Variants in GPRC6A observed in about 807,000 individuals in gnomAD.
The protein encoded by GPRC6A is G protein-coupled receptor family C group 6 member A.
Under a neutral mutation model 47.0 loss-of-function variants are expected in GPRC6A, and 54 were observed. The ratio of observed to expected loss-of-function variants is 1.15; its 90% confidence interval spans 0.92 to 1.44. The LOEUF is 1.44. GPRC6A is among the 40% of genes most tolerant of loss of function. The pLI is 0.00. For synonymous variants in GPRC6A, 347 were observed against 377.1 expected, an observed-to-expected ratio of 0.92 and a Z score of 0.93; for missense variants, 1,112 against 1,105.5, an observed-to-expected ratio of 1.01 and a Z score of -0.08.
intron 5 of GPRC6A, 22 bp downstream of exon 5, chr6:116,795,690 T>C: frequency 1.9e-6 from 3 of 1,588,648 alleles, no homozygotes; most frequent in Middle Eastern, 1.7e-4. Context: ...GATTCAGGTG[T>C]ATGTGGAGTG....
At chr6:116,813,579 C>T (rs1196106237) in intron 1 of GPRC6A, among the ~76,000 whole-genome samples, 1 of 152,116 alleles carries the variant, frequency 6.6e-6, no homozygotes, top group Non-Finnish European at 1.5e-5. Context: ...AACCGGATCC[C>T]TTCCTTACAC....
intron 1 of GPRC6A, among the ~76,000 whole-genome samples, chr6:116,815,878 G>A (rs138642611): frequency 6.6e-6 from 1 of 152,192 alleles, no homozygotes; most frequent in South Asian, 2.1e-4. Flanking sequence ...AAATAGCTGA[G>A]ATTGGGTAAT....
chr6:116,819,256 A>G (rs1244967293), intron 1 of GPRC6A, among the ~76,000 whole-genome samples: 2 of 150,800 alleles, frequency 1.3e-5, no homozygotes, highest in Admixed American at 6.6e-5. Context: ...CACATTAATA[A>G]TGGGAGACTT....
intron 3 of GPRC6A, among the ~76,000 whole-genome samples, chr6:116,801,090 G>A (rs749341106): frequency 2.6e-5 from 4 of 152,040 alleles, no homozygotes; most frequent in Non-Finnish European, 5.9e-5. Context: ...TTTAGAATGG[G>A]TCCCCTGGTA....
At chr6:116,825,780 G>A (rs1773658612) in intron 1 of GPRC6A, among the ~76,000 whole-genome samples, 1 of 151,716 alleles carries the variant, frequency 6.6e-6, no homozygotes, top group Non-Finnish European at 1.5e-5. Flanking sequence ...CAAACTGGAG[G>A]CATCAAACTA....
In GPRC6A at chr6:116,809,499, C is replaced by T; in HGVS notation, c.313G>A (p.Glu105Lys). Residue 105 changes from glutamate to lysine, a missense_variant, in exon 2 of 6, where the codon GAA becomes AAA. By Grantham distance (56) the Glu-to-Lys change is moderately conservative. Transcript: ENST00000310357. ...LGYEIYDTCTEVTVAMAATLR... is the reference protein window; with the variant it reads ...LGYEIYDTCTKVTVAMAATLR... ...GTGGCTGCCATTGCCACTGTGACTT[C>T]TGTACAAGTGTCATAGATTTCATAC... The T allele has an allele frequency of 1.2e-6, 2 of 1,613,550 alleles. No homozygotes were observed. Among genetic ancestry groups the T allele is most frequent in the Non-Finnish European group, 1.7e-6 (2 of 1,179,702 alleles).
chr6:116,793,160 T>G lies in GPRC6A; in HGVS notation c.1763A>C (p.Asn588Thr), dbSNP rs1371148880. Residue 588 changes from asparagine (N) to threonine (T), a missense_variant, in exon 6 of 6, where the codon AAC (asparagine) becomes ACC (threonine). Physicochemically the swap from Asn to Thr is moderately conservative, Grantham distance 65. Transcript: ENST00000310357. ...MCFEKEVEYL[N>T]WNDSLAILLL... is the part of the protein sequence containing the mutation. ...TAGGATGGCCAAGGAGTCATTCCAG[T>G]TGAGATATTCCACTTCCTTTTCAAA... 1 of 1,613,392 alleles carries G rather than the reference T, an allele frequency of 6.2e-7. No homozygotes were observed. Among genetic ancestry groups the G allele is most frequent in the Non-Finnish European group, 8.5e-7 (1 of 1,179,544 alleles).
At chr6:116,819,158 C>T (rs1202203151) in intron 1 of GPRC6A, among the ~76,000 whole-genome samples, 26 of 152,084 alleles carry the variant, frequency 1.7e-4, no homozygotes, top group Non-Finnish European at 2.9e-4. Context: ...GAAGAGCTAA[C>T]TATCCTAAAT....
intron 1 of GPRC6A, among the ~76,000 whole-genome samples, chr6:116,813,240 A>C (rs990681295): frequency 6.6e-6 from 1 of 152,244 alleles, no homozygotes; most frequent in Non-Finnish European, 1.5e-5. Context: ...CTTTCTTCAC[A>C]GAATTGGAAA....
chr6:116,794,031 G>A (rs1772400537), intron 5 of GPRC6A, among the ~76,000 whole-genome samples: 1 of 152,106 alleles, frequency 6.6e-6, no homozygotes, highest in African/African-American at 2.4e-5. Context: ...GCTTATTCTG[G>A]CTGCAGGGCA....
intron 2 of GPRC6A, among the ~76,000 whole-genome samples, chr6:116,808,337 G>A (rs1772918325): frequency 6.6e-6 from 1 of 151,998 alleles, no homozygotes; most frequent in Non-Finnish European, 1.5e-5. Flanking sequence ...TTGCATTTTT[G>A]CATTAGCCAG....
At position 116,806,597 on chromosome 6, in the gene GPRC6A, T is replaced by C. The variant is rs1213913847; in HGVS notation, c.1108A>G (p.Thr370Ala). The C allele has an allele frequency of 6.2e-7, 1 of 1,613,628 alleles. No individual in the cohort carries two copies. The change falls in exon 3 of 6, where the codon ACT becomes GCT. Residue 370 changes from threonine to alanine, a missense_variant. Physicochemically the swap from Thr to Ala is moderately conservative, Grantham distance 58 (BLOSUM62 0). Transcript: ENST00000310357. ...TTGAATATGCATTGACTCAAATCAG[T>C]GTCCTTGACATATGCGCAGGCAGAT... ...HLSACAYVKD[T>A]DLSQCIFNHS...
chr6:116,809,660 T>C (rs763273085), intron 1 of GPRC6A, 43 bp from the exon 2 acceptor site: 130 of 1,385,032 alleles, frequency 9.4e-5, no homozygotes, highest in Non-Finnish European at 1.2e-4. Flanking sequence ...ACATAACTCT[T>C]CTATGGACAT....
Position 116,792,237 on chromosome 6 carries a change from T to G in GPRC6A, c.2686A>C (p.Lys896Gln). Residue 896 changes from lysine (K) to glutamine (Q), a missense_variant, in exon 6 of 6, where the codon AAA becomes CAA. Lys to Gln is a moderately conservative substitution (Grantham distance 53, BLOSUM62 1). Coordinates refer to ENST00000310357, the MANE Select transcript of GPRC6A (RefSeq NM_148963.4). ...SGKSATWQKSKDLQAQAFAHI... is the reference protein window; with the variant it reads ...SGKSATWQKSQDLQAQAFAHI... ...GCAAATGCTTGTGCCTGAAGATCTT[T>G]GCTTTTCTGCCAGGTTGCAGACTTG... 6.2e-7 allele frequency: 1 copy of G among 1,614,080 alleles called. No homozygotes were observed. Among genetic ancestry groups the G allele is most frequent in the Non-Finnish European group, 8.5e-7 (1 of 1,179,968 alleles).
chr6:116,800,861 AT>A (rs1238551296), intron 3 of GPRC6A, 65 bp from the exon 4 acceptor site: 82 of 902,132 alleles, frequency 9.1e-5, no homozygotes, highest in Admixed American at 4.4e-4. Flanking sequence ...CATTATTCTA[AT>A]GATAACACTG....
chr6:116,808,631 A>G (rs529614486), intron 2 of GPRC6A, among the ~76,000 whole-genome samples: 1 of 152,162 alleles, frequency 6.6e-6, no homozygotes, highest in South Asian at 2.1e-4. Context: ...CTGTCTGCTC[A>G]CTTCTATCAG....
At chr6:116,802,133 C>G (rs1772694684) in intron 3 of GPRC6A, among the ~76,000 whole-genome samples, 1 of 152,104 alleles carries the variant, frequency 6.6e-6, no homozygotes, top group Admixed American at 6.6e-5. Flanking sequence ...CTAAAGTTCT[C>G]ACATGTATTT....
At chr6:116,826,597 A>G (rs537742453) in intron 1 of GPRC6A, among the ~76,000 whole-genome samples, 12 of 152,040 alleles carry the variant, frequency 7.9e-5, no homozygotes, top group Non-Finnish European at 1.2e-4. Context: ...CATCTACACT[A>G]TTGGAGAAAA....
rs1347641634 is a variant in GPRC6A at position 116,818,552 on chromosome 6, A to T, written c.195-8935T>A. The stretch of plus-strand genomic sequence containing the variant: ...CCGTCTAAAAAAAAAAAAAAAAAAA[A>T]AAAAAAAAAAAAAAAAAAGAATTTT... On this transcript the variant is annotated intron_variant, in intron 1 of 5. Transcript: ENST00000310357. 1.6e-4 allele frequency among the ~76,000 whole-genome samples: 21 copies of T among 130,860 alleles called. 1 individual carries two copies. The highest frequency in any genetic ancestry group is 5.3e-4 in the African/African-American group (20 of 37,460). The allele number at this position is 130,860 out of a possible 152,430, so 85.8% of individuals were successfully genotyped here. A position where few individuals can be genotyped will look rare whatever the true frequency, so the allele number is the denominator to read the frequency against.
Sources: allele counts gnomAD v4.1 joint callset (sites outside exome capture counted in the v4.1 genomes callset), GRCh38; gene constraint gnomAD v4.1.1; transcripts MANE v1.5; gene names NCBI Gene and HGNC (gene_info 2026-07-23, HGNC 2026-07-21).